The following TLL1 variants were observed in gnomAD, a reference collection of about 807,000 sequenced individuals.
TLL1 encodes the protein tolloid-like protein 1.
TLL1 carries 49 observed loss-of-function variants against 128.2 expected under a neutral mutation model. The observed-to-expected ratio is 0.38, with a 90% CI of 0.30 to 0.48. The LOEUF (loss-of-function observed/expected upper bound fraction) is 0.48. TLL1 is among the 20% of genes least tolerant of loss of function. The pLI is 0.96. For synonymous variants in TLL1, 454 were observed against 418.8 expected, an observed-to-expected ratio of 1.08 and a Z score of -1.03; for missense variants, 1,123 against 1,242.0, an observed-to-expected ratio of 0.90 and a Z score of 1.44.
intron 1 of TLL1, among the ~76,000 whole-genome samples, chr4:165,903,714 G>A (rs191042758): frequency 3.0e-4 from 45 of 148,574 alleles, no homozygotes; most frequent in South Asian, 2.2e-4. Flanking sequence ...CCCAGCAGAG[G>A]TTAGATCTTA....
chr4:165,960,851 T>TCATACTGAACAGGC (rs1426144779), intron 1 of TLL1, among the ~76,000 whole-genome samples: 1 of 151,932 alleles, frequency 6.6e-6, no homozygotes, highest in Non-Finnish European at 1.5e-5. Flanking sequence ...AGAGCCAACA[T>TCATACTGAACAGGC]CATACTGAAC....
chr4:165,904,927 C>T (rs1248404891), intron 1 of TLL1, among the ~76,000 whole-genome samples: 2 of 152,140 alleles, frequency 1.3e-5, no homozygotes, highest in East Asian at 3.9e-4. Flanking sequence ...TAACATCAGC[C>T]ATGAGGAAAA....
chr4:165,957,431 G>C (rs886846932), intron 1 of TLL1, among the ~76,000 whole-genome samples: 1 of 151,920 alleles, frequency 6.6e-6, no homozygotes, highest in Non-Finnish European at 1.5e-5. Flanking sequence ...AACAGCTTTA[G>C]ACAGATCATT....
chr4:165,951,988 T>TGAATTATTATTTCAGA (rs1467517027), intron 1 of TLL1, among the ~76,000 whole-genome samples: 1 of 152,180 alleles, frequency 6.6e-6, no homozygotes, highest in African/African-American at 2.4e-5. Context: ...ATTTTTACCC[T>TGAATTATTATTTCAGA]TTTATTATAA....
chr4:166,084,680 C>A (rs548307747), intron 18 of TLL1, among the ~76,000 whole-genome samples: 1 of 152,210 alleles, frequency 6.6e-6, no homozygotes, highest in Non-Finnish European at 1.5e-5. Flanking sequence ...TGTCAAAAAT[C>A]AGTTGGCTGT....
chr4:166,028,221 C>T (rs1200932579), intron 9 of TLL1, among the ~76,000 whole-genome samples: 3 of 152,012 alleles, frequency 2.0e-5, no homozygotes, highest in African/African-American at 4.8e-5. Context: ...ACCTGAATTC[C>T]ACCAGCTCAA....
intron 5 of TLL1, among the ~76,000 whole-genome samples, chr4:165,996,158 T>C (rs1206367323): frequency 6.6e-6 from 1 of 152,158 alleles, no homozygotes; most frequent in East Asian, 1.9e-4. Context: ...CATTGGGATT[T>C]TGCTCCTACC....
At chr4:166,047,186 G>A (rs1013298576) in intron 12 of TLL1, among the ~76,000 whole-genome samples, 3 of 150,186 alleles carry the variant, frequency 2.0e-5, no homozygotes, top group Admixed American at 1.3e-4. Flanking sequence ...TTTTTGAGAT[G>A]GAGTCTTGCT....
At chr4:165,977,804 G>T (rs539565918) in intron 1 of TLL1, among the ~76,000 whole-genome samples, 1 of 152,084 alleles carries the variant, frequency 6.6e-6, no homozygotes, top group Non-Finnish European at 1.5e-5. Flanking sequence ...GGAATAGGTC[G>T]TTCACAAAAG....
At chr4:165,949,927 A>G (rs535201248) in intron 1 of TLL1, among the ~76,000 whole-genome samples, 2 of 152,284 alleles carry the variant, frequency 1.3e-5, no homozygotes, top group African/African-American at 4.8e-5. Flanking sequence ...ATCCAAACAT[A>G]TTAATAACCA....
chr4:165,874,328 G>A (rs1579427313), intron 1 of TLL1, among the ~76,000 whole-genome samples: 1 of 152,264 alleles, frequency 6.6e-6, no homozygotes, highest in African/African-American at 2.4e-5. Context: ...TAAGGTCCTA[G>A]AGTTTCTGAT....
intron 8 of TLL1, among the ~76,000 whole-genome samples, chr4:166,020,808 C>T (rs1738191000): frequency 1.3e-5 from 2 of 152,056 alleles, no homozygotes; most frequent in Admixed American, 1.3e-4. Context: ...AAAAGTATAA[C>T]ATAAATTGAT....
intron 1 of TLL1, among the ~76,000 whole-genome samples, chr4:165,975,369 C>A (rs760363655): frequency 8.6e-5 from 13 of 151,938 alleles, no homozygotes; most frequent in Non-Finnish European, 1.5e-5. Flanking sequence ...TTTATAGGGG[C>A]AGTAGAGGCA....
At chr4:165,927,665 G>A (rs1432195284) in intron 1 of TLL1, among the ~76,000 whole-genome samples, 1 of 152,126 alleles carries the variant, frequency 6.6e-6, no homozygotes, top group Non-Finnish European at 1.5e-5. Flanking sequence ...CCAACCAGGA[G>A]CAATTTTGCC....
intron 7 of TLL1, among the ~76,000 whole-genome samples, chr4:166,012,220 T>A (rs958605600): frequency 2.6e-5 from 4 of 151,650 alleles, no homozygotes; most frequent in African/African-American, 7.2e-5. Context: ...AACCATGATA[T>A]GATCTGTCTC....
rs142237049 is a variant in TLL1 at position 166,032,549 on chromosome 4, T to C, written c.1159-6790T>C. ...CTGAGGGCATAGAAGACTTCTGTCATATACTTGTAAGGATCATTTTTCAAA... is the reference window on the plus strand; with the variant it reads ...CTGAGGGCATAGAAGACTTCTGTCACATACTTGTAAGGATCATTTTTCAAA... On this transcript the variant is annotated intron_variant, in intron 9 of 20. Transcript: ENST00000061240. Among the ~76,000 whole-genome samples, 252 of 152,254 alleles carry C rather than the reference T, an allele frequency of 1.7e-3. 1 individual carries two copies. Among genetic ancestry groups the C allele is most frequent in the African/African-American group, 5.4e-3 (224 of 41,580 alleles).
At chr4:166,088,866 C>G (rs147002009) in intron 18 of TLL1, among the ~76,000 whole-genome samples, 1 of 152,072 alleles carries the variant, frequency 6.6e-6, no homozygotes, top group Non-Finnish European at 1.5e-5. Flanking sequence ...TTAGGCCAGA[C>G]GTCCTGCGTT....
intron 1 of TLL1, among the ~76,000 whole-genome samples, chr4:165,939,792 GA>G (rs776402984): frequency 8.6e-5 from 13 of 151,984 alleles, no homozygotes; most frequent in Non-Finnish European, 1.6e-4. Context: ...AAGTTTTTGA[GA>G]GTAGAAAGGT....
At chr4:166,024,139 C>T (rs907839347) in intron 8 of TLL1, among the ~76,000 whole-genome samples, 4 of 152,116 alleles carry the variant, frequency 2.6e-5, no homozygotes, top group African/African-American at 9.7e-5. Context: ...TTGCTTTTGT[C>T]TGCCTGTTCA....
Sources: gnomAD v4.1 joint callset for allele counts (sites outside exome capture counted in the v4.1 genomes callset) on GRCh38, gnomAD v4.1.1 for gene constraint, MANE v1.5 for transcripts, NCBI Gene and HGNC (gene_info 2026-07-23, HGNC 2026-07-21) for gene names.